VWA2: variants seen among roughly 807,000 people sequenced by gnomAD.
VWA2 encodes the protein von Willebrand factor A domain containing 2, also known as von Willebrand factor A domain-containing protein 2.
In VWA2, 73 loss-of-function variants were observed where a neutral mutation model predicts 70.4. That is an observed-to-expected ratio of 1.04 (90% CI 0.86 to 1.26). The LOEUF is 1.26. Ranked by LOEUF, VWA2 falls within the 50% of genes most tolerant of loss-of-function variation. The probability of loss-of-function intolerance (pLI) is 0.00; values close to 1 mark genes in which losing one functional copy is unlikely to be tolerated. For missense variants in VWA2, 1,011 were observed against 998.5 expected (o/e 1.01, Z -0.17); for synonymous variants, 407 against 423.3 (o/e 0.96, Z 0.47).
intron 3 of VWA2, 23 bp downstream of exon 3, chr10:114,253,748 C>A: frequency 6.2e-7 from 1 of 1,604,290 alleles, no homozygotes; most frequent in Non-Finnish European, 8.5e-7. Flanking sequence ...TCTTCTTAAC[C>A]CTCCAGATGC....
At chr10:114,289,861 A>T (rs900647314) in intron 12 of VWA2, 1 of 344,650 alleles carries the variant, frequency 2.9e-6, no homozygotes. Context: ...GGCCAGCCCA[A>T]ATCCAGTGAC....
intron 5 of VWA2, among the ~76,000 whole-genome samples, chr10:114,261,775 C>T (rs990461187): frequency 1.3e-5 from 2 of 152,154 alleles, no homozygotes; most frequent in Non-Finnish European, 2.9e-5. Context: ...CATATACACA[C>T]CTTATGTGTT....
intron 1 of VWA2, chr10:114,246,565 A>AG: frequency 8.5e-7 from 1 of 1,170,596 alleles, no homozygotes; most frequent in East Asian, 2.3e-5. Context: ...TGACTGTAAC[A>AG]GAGGGACCCA....
At chr10:114,262,394 A>C (rs968848734) in intron 5 of VWA2, among the ~76,000 whole-genome samples, 3 of 152,100 alleles carry the variant, frequency 2.0e-5, no homozygotes, top group African/African-American at 7.2e-5. Flanking sequence ...ACATGTATAT[A>C]CATACACACA....
intron 4 of VWA2, among the ~76,000 whole-genome samples, chr10:114,257,869 A>G (rs186663343): frequency 1.8e-4 from 27 of 152,346 alleles, no homozygotes; most frequent in Admixed American, 6.5e-4. Context: ...GTCAGTGCCC[A>G]TGAGAAGGAG....
At chr10:114,275,015 G>A (rs2037798860) in intron 6 of VWA2, among the ~76,000 whole-genome samples, 1 of 152,186 alleles carries the variant, frequency 6.6e-6, no homozygotes, top group Non-Finnish European at 1.5e-5. Context: ...CTCAGTGTGG[G>A]AGCCGAGCAG....
At chr10:114,265,965 C>A (rs1042748729) in intron 5 of VWA2, among the ~76,000 whole-genome samples, 4 of 152,176 alleles carry the variant, frequency 2.6e-5, no homozygotes, top group Admixed American at 1.3e-4. Context: ...CTCCCCGGAG[C>A]ACTTTGTTCT....
intron 4 of VWA2, 114 bp from the exon 5 acceptor site, chr10:114,261,072 T>G: frequency 1.5e-6 from 1 of 687,812 alleles, no homozygotes; most frequent in Non-Finnish European, 2.5e-6. Context: ...CTGGCACTGG[T>G]GTTTGTTGAG....
At chr10:114,239,950 G>C (rs1431192730) in intron 1 of VWA2, among the ~76,000 whole-genome samples, 1 of 152,146 alleles carries the variant, frequency 6.6e-6, no homozygotes. Flanking sequence ...GCACAGTAGC[G>C]GGGCCCCCTT....
chr10:114,247,449 C>G (rs2037095627), intron 1 of VWA2, among the ~76,000 whole-genome samples: 2 of 152,100 alleles, frequency 1.3e-5, no homozygotes, highest in Admixed American at 6.5e-5. Context: ...AGGTGCCCAC[C>G]ACCATGTCTG....
intron 1 of VWA2, among the ~76,000 whole-genome samples, chr10:114,247,464 A>G (rs2037095992): frequency 6.6e-6 from 1 of 152,008 alleles, no homozygotes; most frequent in Non-Finnish European, 1.5e-5. Flanking sequence ...TGTCTGGCTA[A>G]TTTTTTGTAT....
At chr10:114,242,593 G>A (rs2036993054) in intron 1 of VWA2, among the ~76,000 whole-genome samples, 1 of 152,024 alleles carries the variant, frequency 6.6e-6, no homozygotes, top group South Asian at 2.1e-4. Flanking sequence ...TGTACCGCAT[G>A]TCTCTGTGTA....
At chr10:114,252,120 T>C (rs1172161478) in intron 2 of VWA2, among the ~76,000 whole-genome samples, 1 of 152,172 alleles carries the variant, frequency 6.6e-6, no homozygotes, top group African/African-American at 2.4e-5. Flanking sequence ...TTCTTTTTAA[T>C]GCTGCCCCTG....
intron 4 of VWA2, among the ~76,000 whole-genome samples, chr10:114,257,073 A>G (rs1321192133): frequency 6.6e-6 from 1 of 152,068 alleles, no homozygotes; most frequent in Non-Finnish European, 1.5e-5. Flanking sequence ...AGAAACATAC[A>G]TGGCTTTTAA....
rs1177430187 is a variant in VWA2, at chr10:114,292,894, A to C, written c.*1657A>C. On this transcript the variant is annotated 3_prime_UTR_variant, in exon 14 of 14. Coordinates refer to ENST00000392982, the MANE Select transcript of VWA2 (RefSeq NM_001272046.2). ...CTAATTTTTGTATTTTTAGTTAGAG[A>C]CAGGGTTTCACCATGTTGGCCAGGC... Among the ~76,000 whole-genome samples the C allele has an allele frequency of 6.6e-6, 1 of 152,046 alleles. No individual in the cohort carries two copies. The highest frequency in any genetic ancestry group is 1.5e-5 in the Non-Finnish European group (1 of 68,020).
chr10:114,261,219 C>A lies in VWA2; in HGVS notation c.295C>A (p.Pro99Thr). 3 of 1,614,104 alleles carry A rather than the reference C, an allele frequency of 1.9e-6. No individual in the cohort carries two copies. Among genetic ancestry groups the A allele is most frequent in the Non-Finnish European group, 2.5e-6 (3 of 1,179,972 alleles). Residue 99 changes from proline (P) to threonine (T), a missense_variant, in exon 5 of 14, where the codon CCT becomes ACT. By Grantham distance (38) the Pro-to-Thr change is conservative. Transcript: ENST00000392982. ...GGGAGCATTCCAGTTCAGTTCCACT[C>A]CTCATCTGGAATTCCCCTTGGATTC... Reference protein sequence around the residue: ...RVGAFQFSSTPHLEFPLDSFS... With the variant: ...RVGAFQFSSTTHLEFPLDSFS...
chr10:114,262,908 C>T (rs965571780), intron 5 of VWA2, among the ~76,000 whole-genome samples: 2 of 152,204 alleles, frequency 1.3e-5, no homozygotes, highest in Admixed American at 6.5e-5. Context: ...GAATTGGCTT[C>T]TTACAGAGAA....
intron 11 of VWA2, among the ~76,000 whole-genome samples, chr10:114,288,238 C>G (rs2133644266): frequency 6.6e-6 from 1 of 152,358 alleles, no homozygotes; most frequent in Middle Eastern, 3.4e-3. Context: ...CTGACCCCTT[C>G]TCCCAGTCTT....
intron 1 of VWA2, among the ~76,000 whole-genome samples, chr10:114,244,922 C>CTA (rs2037038957): frequency 6.6e-6 from 1 of 152,220 alleles, no homozygotes; most frequent in Non-Finnish European, 1.5e-5. Flanking sequence ...ACCTCCCCTA[C>CTA]TATACATCAG....
Sources: gnomAD v4.1 joint callset for allele counts (sites outside exome capture counted in the v4.1 genomes callset) on GRCh38, gnomAD v4.1.1 for gene constraint, MANE v1.5 for transcripts, NCBI Gene and HGNC (gene_info 2026-07-23, HGNC 2026-07-21) for gene names.